PTPRB: variants seen among roughly 807,000 people sequenced by gnomAD.
PTPRB encodes receptor-type tyrosine-protein phosphatase beta.
A neutral mutation model predicts 238.1 loss-of-function variants in PTPRB; 97 were observed. That is an observed-to-expected ratio of 0.41 (90% CI 0.35 to 0.48). PTPRB has a LOEUF of 0.48. Ranked by LOEUF, PTPRB falls within the 20% of genes least tolerant of loss-of-function variation. The pLI is 0.30. For synonymous variants in PTPRB, 970 were observed against 995.4 expected (o/e 0.97, Z 0.48); for missense variants, 2,292 against 2,681.9 (o/e 0.85, Z 3.21).
At chr12:70,538,601 T>C (rs550134729) in intron 27 of PTPRB, 1 of 446,378 alleles carries the variant, frequency 2.2e-6, no homozygotes, top group East Asian at 3.8e-5. Context: ...CCGAAGACTT[T>C]GCTAAGCAAA....
At chr12:70,524,900 T>C (rs11178269) in intron 32 of PTPRB, among the ~76,000 whole-genome samples, 5,661 of 150,890 alleles carry the variant, frequency 0.038, 172 homozygotes, top group East Asian at 0.15. Flanking sequence ...TATGTGTATA[T>C]ATGTGTATAT....
chr12:70,531,912 C>T (rs561622951), intron 32 of PTPRB, 123 bp downstream of exon 32: 358 of 1,136,874 alleles, frequency 3.1e-4, no homozygotes, highest in Non-Finnish European at 4.4e-4. Flanking sequence ...ACATGCAGTT[C>T]TTTTTTTCTC....
At chr12:70,564,051 C>A (rs1410716370) in intron 15 of PTPRB, among the ~76,000 whole-genome samples, 1 of 152,180 alleles carries the variant, frequency 6.6e-6, no homozygotes, top group Non-Finnish European at 1.5e-5. Flanking sequence ...ATATGGGCCT[C>A]TTTACTGTTC....
rs1882577238 is a variant in PTPRB, at chr12:70,592,405, C to T, written c.1657G>A (p.Val553Ile). The change falls in exon 7 of 34, where the codon GTA (valine) becomes ATA (isoleucine). Residue 553 changes from valine (V) to isoleucine (I), a missense_variant. Val to Ile is a conservative substitution (Grantham distance 29). Around this residue, in one of 4 missense-constraint regions of PTPRB, gnomAD observed 1,205 missense variants for 1,287.8 expected, o/e 0.94. Coordinates refer to ENST00000334414, the MANE Select transcript of PTPRB (RefSeq NM_001109754.4). Reference protein sequence around the residue: ...SHKGTIKESRVLAPWITETHF... With the variant: ...SHKGTIKESRILAPWITETHF... The stretch of plus-strand genomic sequence containing the variant: ...GTTTCAGTAATCCAAGGTGCTAATA[C>T]TCTGGATTCCTTGATGGTCCCTTTG... The T allele has an allele frequency of 6.2e-7, 1 of 1,613,798 alleles. No homozygotes were observed. The highest frequency in any genetic ancestry group is 1.7e-5 in the Admixed American group (1 of 59,984).
chr12:70,566,728 C>T (rs1482260747), intron 14 of PTPRB, 24 bp from the exon 15 acceptor site: 2 of 1,603,706 alleles, frequency 1.2e-6, no homozygotes, highest in East Asian at 2.2e-5. Context: ...AGTGGAGCAA[C>T]AAAATACAGA....
In PTPRB at chr12:70,569,885, G is replaced by A. The variant is rs139698072; in HGVS notation, c.3424C>T (p.Leu1142=). The change falls in exon 14 of 34, where the codon CTG becomes TTG. Residue 1142 remains leucine (L), a synonymous_variant. Coordinates refer to ENST00000334414, the MANE Select transcript of PTPRB (RefSeq NM_001109754.4). ...HISPNGATDS[L]TVNWTPGGGD... is the part of the protein sequence containing the mutation. The stretch of plus-strand genomic sequence containing the variant: ...CCACCAGGAGTCCAGTTCACCGTCA[G>A]GCTATCTGTTGCTCCATTGGGAGAA... The A allele has an allele frequency of 2.3e-3, 3,758 of 1,613,334 alleles. 11 individuals are homozygous for A. The highest frequency in any genetic ancestry group is 2.8e-3 in the Non-Finnish European group (3,331 of 1,179,282).
chr12:70,532,334 AC>A (rs369895885), intron 31 of PTPRB, among the ~76,000 whole-genome samples, 164 bp from the exon 32 acceptor site: 277 of 68,896 alleles, frequency 4.0e-3, no homozygotes, highest in Non-Finnish European at 6.5e-3. Context: ...CCCCAACCCC[AC>A]CCCCCCACAG....
At chr12:70,538,311 G>C in intron 27 of PTPRB, 80 bp from the exon 28 acceptor site, 2 of 1,197,136 alleles carry the variant, frequency 1.7e-6, no homozygotes, top group Non-Finnish European at 2.4e-6. Flanking sequence ...CCTTAGCTCT[G>C]ATCCCCACAA....
intron 32 of PTPRB, among the ~76,000 whole-genome samples, chr12:70,530,092 G>T (rs59101730): frequency 0.011 from 1,604 of 152,222 alleles, 29 homozygotes; most frequent in African/African-American, 0.037. Context: ...AAATGGGAGG[G>T]AGGATTATAG....
At chr12:70,533,479 C>T (rs1418853221) in intron 31 of PTPRB, among the ~76,000 whole-genome samples, 1 of 151,880 alleles carries the variant, frequency 6.6e-6, no homozygotes, top group Non-Finnish European at 1.5e-5. Context: ...CCAGGCTCGC[C>T]AGAGAGAGAG....
intron 2 of PTPRB, among the ~76,000 whole-genome samples, chr12:70,634,820 C>A (rs1273135366): frequency 6.6e-6 from 1 of 152,198 alleles, no homozygotes; most frequent in Non-Finnish European, 1.5e-5. Flanking sequence ...TTCTTGATAA[C>A]TTTTCCCATG....
In PTPRB at chr12:70,581,191, A is replaced by G; in HGVS notation, c.2423T>C (p.Ile808Thr). 6.2e-7 allele frequency: 1 copy of G among 1,613,986 alleles called. No individual in the cohort carries two copies. The highest frequency in any genetic ancestry group is 2.2e-5 in the East Asian group (1 of 44,882). Residue 808 changes from isoleucine to threonine, a missense_variant, in exon 10 of 34, where the codon ATC becomes ACC. Ile to Thr is a moderately conservative substitution (Grantham distance 89). Around this residue, in one of 4 missense-constraint regions of PTPRB, gnomAD observed 1,205 missense variants for 1,287.8 expected, o/e 0.94. Transcript: ENST00000334414. The stretch of plus-strand genomic sequence containing the variant: ...ATTTTTAATGACCACATTTTCATGG[A>G]TCAGTAAGACTTGGTAAAATTCTAC... Reference protein sequence around the residue: ...GDVEFYQVLLIHENVVIKNES... With the variant: ...GDVEFYQVLLTHENVVIKNES...
chr12:70,568,491 G>T (rs1014972654), intron 14 of PTPRB, among the ~76,000 whole-genome samples: 3 of 152,094 alleles, frequency 2.0e-5, no homozygotes, highest in Non-Finnish European at 2.9e-5. Flanking sequence ...TAGAGACGGG[G>T]TTTCACCATG....
chr12:70,635,531 C>T (rs1333183847), intron 2 of PTPRB, 140 bp downstream of exon 2: 22 of 1,124,864 alleles, frequency 2.0e-5, no homozygotes, highest in Non-Finnish European at 2.6e-5. Context: ...CCTCCATTAG[C>T]TTATGAATCT....
intron 11 of PTPRB, among the ~76,000 whole-genome samples, chr12:70,573,772 T>C (rs1458240567): frequency 6.7e-6 from 1 of 150,374 alleles, no homozygotes; most frequent in Non-Finnish European, 1.5e-5. Flanking sequence ...CCCAAAGTGC[T>C]GGGGATGCAT....
intron 10 of PTPRB, among the ~76,000 whole-genome samples, chr12:70,579,829 G>GA (rs1302041682): frequency 1.3e-5 from 2 of 152,056 alleles, no homozygotes; most frequent in African/African-American, 4.8e-5. Context: ...GTTCTTCTGG[G>GA]AGAGTTAATG....
chr12:70,617,668 C>T (rs765890830), intron 3 of PTPRB, among the ~76,000 whole-genome samples: 1 of 152,140 alleles, frequency 6.6e-6, no homozygotes, highest in Non-Finnish European at 1.5e-5. Context: ...GTGGAGTTTT[C>T]TGCATTTGCA....
intron 31 of PTPRB, among the ~76,000 whole-genome samples, chr12:70,533,035 T>G (rs552127662): frequency 6.6e-6 from 1 of 152,324 alleles, no homozygotes; most frequent in South Asian, 2.1e-4. Context: ...TTAAAACATG[T>G]GTTGCAAAGA....
intron 26 of PTPRB, 66 bp downstream of exon 26, chr12:70,539,559 A>C (rs1874714829): frequency 1.6e-6 from 2 of 1,283,286 alleles, no homozygotes; most frequent in East Asian, 5.0e-5. Flanking sequence ...ATGACACAGT[A>C]AACATTAGGA....
Sources: allele counts gnomAD v4.1 joint callset (sites outside exome capture counted in the v4.1 genomes callset), GRCh38; gene constraint gnomAD v4.1.1; regional missense constraint gnomAD v4.1.1; transcripts MANE v1.5; gene names NCBI Gene and HGNC (gene_info 2026-07-23, HGNC 2026-07-21).